The following IFT80 variants were observed in gnomAD, a reference collection of about 807,000 sequenced individuals.
IFT80 encodes the protein intraflagellar transport protein 80 homolog.
Under a neutral mutation model 107.9 loss-of-function variants are expected in IFT80, and 79 were observed. That is an observed-to-expected ratio of 0.73 (90% CI 0.61 to 0.88). The LOEUF (loss-of-function observed/expected upper bound fraction) is 0.88. Ranked by LOEUF, IFT80 falls within the 40% of genes least tolerant of loss-of-function variation. The pLI, the probability that IFT80 is intolerant of heterozygous loss-of-function variation, is 0.00. For synonymous variants in IFT80, 299 were observed against 300.9 expected, an observed-to-expected ratio of 0.99 and a Z score of 0.07; for missense variants, 797 against 914.2, an observed-to-expected ratio of 0.87 and a Z score of 1.65.
intron 10 of IFT80, among the ~76,000 whole-genome samples, chr3:160,306,424 C>A (rs1251674530): frequency 6.6e-6 from 1 of 152,114 alleles, no homozygotes; most frequent in African/African-American, 2.4e-5. Context: ...CTGTTTTCCC[C>A]TGCCCCATGA....
intron 8 of IFT80, chr3:160,343,944 T>C (rs140341813): frequency 8.4e-5 from 15 of 178,744 alleles, no homozygotes; most frequent in Middle Eastern, 8.2e-4. Flanking sequence ...AATGAACAAA[T>C]TAATATGCAA....
At chr3:160,321,651 C>T (rs1718227869) in intron 8 of IFT80, among the ~76,000 whole-genome samples, 1 of 151,614 alleles carries the variant, frequency 6.6e-6, no homozygotes, top group African/African-American at 2.4e-5. Flanking sequence ...TCTAATAATA[C>T]AATAGAACAA....
At chr3:160,306,991 A>C (rs1182179606) in intron 10 of IFT80, among the ~76,000 whole-genome samples, 4 of 152,124 alleles carry the variant, frequency 2.6e-5, no homozygotes, top group Non-Finnish European at 5.9e-5. Flanking sequence ...ATAAGGACAA[A>C]ATTTTTAAAA....
At chr3:160,398,812 G>C (rs1016422846) in intron 1 of IFT80, among the ~76,000 whole-genome samples, 3 of 152,044 alleles carry the variant, frequency 2.0e-5, no homozygotes, top group Non-Finnish European at 4.4e-5. Context: ...CTGGCGAGTC[G>C]TTTTTTCCAC....
chr3:160,351,497 T>C (rs1423204114), intron 8 of IFT80, among the ~76,000 whole-genome samples: 3 of 147,922 alleles, frequency 2.0e-5, no homozygotes, highest in African/African-American at 4.9e-5. Context: ...TTTTGATATA[T>C]AGTATCAAAA....
chr3:160,275,986 G>C (rs1714231817), intron 18 of IFT80, among the ~76,000 whole-genome samples: 1 of 152,016 alleles, frequency 6.6e-6, no homozygotes, highest in Non-Finnish European at 1.5e-5. Context: ...TCCTGCCTCA[G>C]CCTTCTGAGT....
intron 8 of IFT80, among the ~76,000 whole-genome samples, chr3:160,329,100 CAT>C (rs373633532): frequency 3.5e-4 from 54 of 152,214 alleles, no homozygotes; most frequent in East Asian, 1.2e-3. Context: ...CTATGACACA[CAT>C]GTTATCTATG....
At chr3:160,369,934 A>AT (rs750694290) in intron 5 of IFT80, among the ~76,000 whole-genome samples, 68 of 152,126 alleles carry the variant, frequency 4.5e-4, no homozygotes, top group Admixed American at 7.2e-4. Context: ...CCTTTTTGAC[A>AT]TTTTTTAAGA....
intron 6 of IFT80, among the ~76,000 whole-genome samples, chr3:160,362,122 G>C (rs2108370583): frequency 6.6e-6 from 1 of 152,178 alleles, no homozygotes; most frequent in South Asian, 2.1e-4. Context: ...AAAATTGATA[G>C]ACCACTAGCA....
chr3:160,323,956 G>A (rs540359700), intron 8 of IFT80, among the ~76,000 whole-genome samples: 13 of 152,112 alleles, frequency 8.5e-5, no homozygotes, highest in South Asian at 4.2e-4. Flanking sequence ...TATCACCACC[G>A]ATCCCACAGA....
chr3:160,342,390 A>G (rs1395977906), intron 8 of IFT80, among the ~76,000 whole-genome samples: 2 of 152,188 alleles, frequency 1.3e-5, no homozygotes, highest in Non-Finnish European at 2.9e-5. Flanking sequence ...TGATATATCA[A>G]AAAGTGATAC....
chr3:160,266,546 G>C (rs1713345543), intron 19 of IFT80, among the ~76,000 whole-genome samples: 1 of 151,912 alleles, frequency 6.6e-6, no homozygotes, highest in Non-Finnish European at 1.5e-5. Context: ...ACCATGTCCA[G>C]CTAATTTTTA....
intron 16 of IFT80, 143 bp from the exon 17 acceptor site, chr3:160,277,813 A>C: frequency 4.8e-5 from 30 of 621,496 alleles, no homozygotes; most frequent in Admixed American, 5.6e-5. Context: ...AAAACTAATA[A>C]TGTGGGAATT....
In IFT80 at chr3:160,323,655, A is replaced by T. The variant is rs1022245045; in HGVS notation, c.778-3716T>A. On this transcript the variant is annotated intron_variant, in intron 8 of 19. Coordinates refer to ENST00000326448, the MANE Select transcript of IFT80 (RefSeq NM_020800.3). ...TGTGTAGAGGGAAATTTATAGCACTAAATGTCCACAAGAGAAGCAGGAAAG... is the reference window on the plus strand; with the variant it reads ...TGTGTAGAGGGAAATTTATAGCACTTAATGTCCACAAGAGAAGCAGGAAAG... 3.9e-5 allele frequency among the ~76,000 whole-genome samples: 6 copies of T among 152,232 alleles called. No individual in the cohort carries two copies. In the East Asian group the frequency reaches 5.8e-4, roughly 15 times the overall value.
At chr3:160,357,467 G>A in intron 7 of IFT80, 22 bp downstream of exon 7, 1 of 1,224,740 alleles carries the variant, frequency 8.2e-7, no homozygotes, top group Non-Finnish European at 1.2e-6. Flanking sequence ...TCAGCCAAGT[G>A]ATAAATCTAA....
At chr3:160,386,321 T>C (rs1037847742) in intron 1 of IFT80, among the ~76,000 whole-genome samples, 2 of 152,194 alleles carry the variant, frequency 1.3e-5, no homozygotes, top group African/African-American at 2.4e-5. Flanking sequence ...TGTTAAAACA[T>C]AGCCAATTTG....
At chr3:160,336,053 A>G (rs1719440017) in intron 8 of IFT80, among the ~76,000 whole-genome samples, 1 of 152,200 alleles carries the variant, frequency 6.6e-6, no homozygotes. Context: ...TTTATACACT[A>G]GGCAGTGGAT....
intron 8 of IFT80, among the ~76,000 whole-genome samples, chr3:160,327,148 A>G (rs919909401): frequency 1.3e-5 from 2 of 152,182 alleles, no homozygotes; most frequent in African/African-American, 4.8e-5. Flanking sequence ...AAGGAGAACT[A>G]CAAACCACTG....
At chr3:160,328,966 G>A (rs542017335) in intron 8 of IFT80, among the ~76,000 whole-genome samples, 1 of 152,154 alleles carries the variant, frequency 6.6e-6, no homozygotes, top group South Asian at 2.1e-4. Context: ...GGACACATGG[G>A]GGGACAATGC....
Sources: allele counts gnomAD v4.1 joint callset (sites outside exome capture counted in the v4.1 genomes callset), GRCh38; gene constraint gnomAD v4.1.1; transcripts MANE v1.5; gene names NCBI Gene and HGNC (gene_info 2026-07-23, HGNC 2026-07-21).